CEP41: variants seen among roughly 807,000 people sequenced by gnomAD.
CEP41 encodes centrosomal protein of 41 kDa.
In CEP41, 32 loss-of-function variants were observed where a neutral mutation model predicts 44.3. The ratio of observed to expected loss-of-function variants is 0.72; its 90% CI spans 0.54 to 0.97. The LOEUF (loss-of-function observed/expected upper bound fraction) is 0.97. Ranked by LOEUF, CEP41 falls within the 50% of genes least tolerant of loss-of-function variation. CEP41 has a pLI of 0.00. For missense variants in CEP41, 432 were observed against 455.2 expected (o/e 0.95, Z 0.46); for synonymous variants, 151 against 168.5 (o/e 0.90, Z 0.80).
Position 130,398,560 on chromosome 7 carries a change from T to A in CEP41, c.*331A>T. The A allele has an allele frequency of 2.1e-6, 1 of 480,836 alleles. No individual in the cohort carries two copies. Among genetic ancestry groups the A allele is most frequent in the Non-Finnish European group, 4.1e-6 (1 of 244,844 alleles). The allele number at this position is 480,836 out of a possible 1,614,324, so 29.8% of individuals were successfully genotyped here. A position where few individuals can be genotyped will look rare whatever the true frequency, so the allele number is the denominator to read the frequency against. On this transcript the variant is annotated 3_prime_UTR_variant, in exon 11 of 11. Coordinates refer to ENST00000223208, the MANE Select transcript of CEP41 (RefSeq NM_018718.3). ...AACAACACAGAGAGACCCAACAAGC[T>A]GGACCTTATTAAAAAAAAACAAAAC...
intron 5 of CEP41, among the ~76,000 whole-genome samples, chr7:130,408,069 C>A (rs1036370831): frequency 6.6e-6 from 1 of 152,052 alleles, no homozygotes; most frequent in African/African-American, 2.4e-5. Context: ...TTTCCCCCAC[C>A]GAAGACATGC....
rs1308257263 is a variant in CEP41 at position 130,395,463 on chromosome 7, G to A, written c.*3428C>T. On this transcript the variant is annotated 3_prime_UTR_variant, in exon 11 of 11. Transcript: ENST00000223208. The stretch of plus-strand genomic sequence containing the variant: ...AACGTTTTAGAACTGGAGAAAGAAA[G>A]GTTCTTACTGATTATCTTCAGAGTA... 2.2e-6 allele frequency: 1 copy of A among 453,902 alleles called. No homozygotes were observed. The highest frequency in any genetic ancestry group is 4.4e-6 in the Non-Finnish European group (1 of 226,772). 28.1% of individuals were successfully genotyped at this position (453,902 alleles called of 1,614,324 possible). A position where few individuals can be genotyped will look rare whatever the true frequency, so the allele number is the denominator to read the frequency against.
intron 1 of CEP41, among the ~76,000 whole-genome samples, chr7:130,434,323 GA>G (rs1229101510): frequency 6.6e-6 from 1 of 151,640 alleles, no homozygotes; most frequent in Non-Finnish European, 1.5e-5. Context: ...AGCTCTTACA[GA>G]AAAAAAATGT....
chr7:130,437,616 C>CA (rs1798005578), intron 1 of CEP41, among the ~76,000 whole-genome samples: 1 of 150,934 alleles, frequency 6.6e-6, no homozygotes, highest in African/African-American at 2.4e-5. Context: ...ATAAAAAATA[C>CA]AAAAAAATGA....
intron 5 of CEP41, among the ~76,000 whole-genome samples, chr7:130,410,274 G>A (rs187849991): frequency 2.6e-5 from 4 of 151,860 alleles, no homozygotes; most frequent in Admixed American, 1.3e-4. Context: ...TGATCTGCCC[G>A]CCTTGGCCTC....
chr7:130,413,579 AAAAAAAAAAAC>A (rs1340999417), intron 3 of CEP41, among the ~76,000 whole-genome samples: 29 of 107,408 alleles, frequency 2.7e-4, no homozygotes, highest in Middle Eastern at 5.1e-3. Flanking sequence ...ACTGTGTCAC[AAAAAAAAAAAC>A]AAAAAAAAAA....
chr7:130,429,964 G>T (rs930208561), intron 1 of CEP41, among the ~76,000 whole-genome samples: 1 of 152,162 alleles, frequency 6.6e-6, no homozygotes, highest in Non-Finnish European at 1.5e-5. Flanking sequence ...CAACTATCTG[G>T]TTCCTCAGAA....
At chr7:130,416,720 G>C (rs550042976) in intron 3 of CEP41, among the ~76,000 whole-genome samples, 199 bp downstream of exon 3, 1 of 152,320 alleles carries the variant, frequency 6.6e-6, no homozygotes, top group African/African-American at 2.4e-5. Flanking sequence ...GCAGAATTTA[G>C]GCCTACAGGC....
intron 3 of CEP41, among the ~76,000 whole-genome samples, chr7:130,414,130 A>G (rs1323056546): frequency 6.6e-6 from 1 of 152,246 alleles, no homozygotes; most frequent in African/African-American, 2.4e-5. Context: ...TTCTGTAAAT[A>G]TATCAAGGCT....
chr7:130,400,942 C>T, intron 8 of CEP41, 121 bp from the exon 9 acceptor site: 1 of 712,970 alleles, frequency 1.4e-6, no homozygotes, highest in Non-Finnish European at 2.6e-6. Flanking sequence ...ATGGACAAGC[C>T]CATTCCTACC....
chr7:130,397,574 G>T lies in CEP41; in HGVS notation c.*1317C>A. On this transcript the variant is annotated 3_prime_UTR_variant, in exon 11 of 11. Transcript: ENST00000223208. ...GTACTGTTAAGGCAAATCTTACCCC[G>T]TAGCAGTTACCAGCAGGACAGGCAA... 2.4e-6 allele frequency: 1 copy of T among 423,454 alleles called. No homozygotes were observed. Among genetic ancestry groups the T allele is most frequent in the South Asian group, 1.6e-5 (1 of 63,400 alleles). 26.2% of individuals were successfully genotyped at this position (423,454 alleles called of 1,614,324 possible).
intron 9 of CEP41, chr7:130,400,492 C>T: frequency 1.6e-6 from 1 of 637,800 alleles, no homozygotes; most frequent in Non-Finnish European, 2.8e-6. Flanking sequence ...AGCATTAGGG[C>T]TTTGTGACAG....
At chr7:130,419,272 A>G in intron 2 of CEP41, 1 of 985,352 alleles carries the variant, frequency 1.0e-6, no homozygotes, top group Non-Finnish European at 1.2e-6. Flanking sequence ...AAGAATGGGG[A>G]AAAAAGGAGA....
At chr7:130,427,017 T>G (rs1797684968) in intron 2 of CEP41, 1 of 157,934 alleles carries the variant, frequency 6.3e-6, no homozygotes, top group Non-Finnish European at 1.4e-5. Flanking sequence ...GAGGTGAATT[T>G]AAAACACTGA....
chr7:130,402,584 C>G, intron 7 of CEP41, 64 bp downstream of exon 7: 1 of 1,569,618 alleles, frequency 6.4e-7, no homozygotes, highest in Non-Finnish European at 8.8e-7. Flanking sequence ...TCCAGCCTGC[C>G]TAGACTCAAG....
chr7:130,430,640 G>A (rs1006795671), intron 1 of CEP41, among the ~76,000 whole-genome samples: 6 of 152,136 alleles, frequency 3.9e-5, no homozygotes, highest in Non-Finnish European at 8.8e-5. Flanking sequence ...ATGGCAAAAT[G>A]AAACAAACAA....
chr7:130,428,428 C>CAAAAAA (rs67847969), intron 1 of CEP41, among the ~76,000 whole-genome samples: 9 of 38,082 alleles, frequency 2.4e-4, no homozygotes, highest in Non-Finnish European at 3.6e-4. Flanking sequence ...GACTCTGACT[C>CAAAAAA]AAAAAAAAAA....
chr7:130,438,422 T>G (rs952587999), intron 1 of CEP41, among the ~76,000 whole-genome samples: 1 of 152,064 alleles, frequency 6.6e-6, no homozygotes, highest in Admixed American at 6.5e-5. Context: ...AGCCAGGCTT[T>G]GTTGGTGTGC....
At chr7:130,422,110 T>A in intron 2 of CEP41, 11 of 1,361,400 alleles carry the variant, frequency 8.1e-6, no homozygotes, top group Admixed American at 6.9e-5. Flanking sequence ...GCCAGAGGTA[T>A]AAAAACAAAA....
Sources: allele counts gnomAD v4.1 joint callset (sites outside exome capture counted in the v4.1 genomes callset), GRCh38; gene constraint gnomAD v4.1.1; transcripts MANE v1.5; gene names NCBI Gene and HGNC (gene_info 2026-07-23, HGNC 2026-07-21).